The following HOOK3 variants were observed in gnomAD, a reference collection of about 807,000 sequenced individuals.
HOOK3 encodes hook microtubule tethering protein 3.
In HOOK3, 24 loss-of-function variants were observed where a neutral mutation model predicts 116.3. The ratio of observed to expected loss-of-function variants is 0.21; its 90% confidence interval spans 0.15 to 0.29. The LOEUF (loss-of-function observed/expected upper bound fraction) is 0.29. HOOK3 is among the 10% of genes least tolerant of loss of function. The probability of loss-of-function intolerance (pLI) is 1.00; values close to 1 mark genes in which losing one functional copy is unlikely to be tolerated. For missense variants in HOOK3, 632 were observed against 830.2 expected (o/e 0.76, Z 2.93); for synonymous variants, 275 against 283.0 (o/e 0.97, Z 0.28).
chr8:42,977,905 A>G (rs1208540370), intron 13 of HOOK3, among the ~76,000 whole-genome samples: 2 of 152,038 alleles, frequency 1.3e-5, no homozygotes, highest in Non-Finnish European at 2.9e-5. Context: ...AAAACACTTA[A>G]CCATTAAAGA....
chr8:42,997,756 G>A (rs1809307061), intron 16 of HOOK3, 119 bp downstream of exon 16: 1 of 689,772 alleles, frequency 1.4e-6, no homozygotes, highest in East Asian at 2.9e-5. Context: ...TTATAGAAAA[G>A]AAATAGTGTT....
chr8:42,962,759 C>T (rs1357416926), intron 8 of HOOK3, among the ~76,000 whole-genome samples: 2 of 149,900 alleles, frequency 1.3e-5, no homozygotes, highest in African/African-American at 4.9e-5. Context: ...AGGAGTTCTG[C>T]CAAATATATT....
chr8:42,985,586 C>A (rs912150767), intron 14 of HOOK3, among the ~76,000 whole-genome samples: 1 of 151,948 alleles, frequency 6.6e-6, no homozygotes, highest in Non-Finnish European at 1.5e-5. Flanking sequence ...GTCTTCTTTT[C>A]CGTACAATGT....
chr8:42,955,930 C>G (rs1283572907), intron 6 of HOOK3, among the ~76,000 whole-genome samples: 1 of 152,046 alleles, frequency 6.6e-6, no homozygotes, highest in Non-Finnish European at 1.5e-5. Context: ...GTGGCTATTC[C>G]CAGGTGTGAT....
At chr8:43,007,478 A>AT (rs1563313128) in intron 17 of HOOK3, among the ~76,000 whole-genome samples, 1 of 152,166 alleles carries the variant, frequency 6.6e-6, no homozygotes, top group Admixed American at 6.5e-5. Context: ...TCATTAGTTC[A>AT]TTTTTTTATT....
At chr8:42,919,264 G>C (rs1807599732) in intron 2 of HOOK3, among the ~76,000 whole-genome samples, 1 of 145,570 alleles carries the variant, frequency 6.9e-6, no homozygotes, top group Non-Finnish European at 1.5e-5. Context: ...TCACTTCTCA[G>C]ACGGGGCGGC....
chr8:43,010,999 C>T (rs763324483), intron 19 of HOOK3, among the ~76,000 whole-genome samples: 2,302 of 145,732 alleles, frequency 0.016, 28 homozygotes, highest in Non-Finnish European at 0.021. Context: ...GGTCCATTTT[C>T]TTTTTTTTTT....
intron 6 of HOOK3, among the ~76,000 whole-genome samples, chr8:42,952,786 T>C (rs1467924015): frequency 6.6e-6 from 1 of 152,174 alleles, no homozygotes; most frequent in Non-Finnish European, 1.5e-5. Context: ...TTTTATATCA[T>C]ATAAGATTAG....
At chr8:43,014,173 C>G (rs1310865902) in intron 21 of HOOK3, among the ~76,000 whole-genome samples, 1 of 150,654 alleles carries the variant, frequency 6.6e-6, no homozygotes, top group African/African-American at 2.4e-5. Flanking sequence ...GTAATCCCAG[C>G]TACTTGGGAG....
chr8:42,904,007 A>T (rs1273063694), intron 1 of HOOK3, among the ~76,000 whole-genome samples: 6 of 152,178 alleles, frequency 3.9e-5, no homozygotes, highest in African/African-American at 7.2e-5. Flanking sequence ...GCGGAGAAGT[A>T]GCCACTCACC....
At chr8:43,009,266 G>T (rs1377817909) in intron 18 of HOOK3, among the ~76,000 whole-genome samples, 6 of 151,594 alleles carry the variant, frequency 4.0e-5, no homozygotes, top group Non-Finnish European at 7.4e-5. Flanking sequence ...ATTAGCCGGG[G>T]GTGGTGGCAA....
intron 13 of HOOK3, 93 bp from the exon 14 acceptor site, chr8:42,982,532 TGC>T: frequency 1.3e-6 from 1 of 795,086 alleles, no homozygotes. Context: ...AAATGATTTT[TGC>T]TGTTAAAATT....
In HOOK3 at chr8:42,906,155, C is replaced by G. The variant is rs764464349; in HGVS notation, c.58-18C>G. On this transcript the variant is annotated intron_variant, in intron 1 of 21. Coordinates refer to ENST00000307602, the MANE Select transcript of HOOK3 (RefSeq NM_032410.4). ...TAACCACAGAATCTCTCCCCCCCCCCTCTTTTTTTCCCTTCAGATCCAGAC... is the reference window on the plus strand; with the variant it reads ...TAACCACAGAATCTCTCCCCCCCCCGTCTTTTTTTCCCTTCAGATCCAGAC... The G allele has an allele frequency of 3.4e-5, 32 of 941,884 alleles. No individual in the cohort carries two copies. Among genetic ancestry groups the G allele is most frequent in the Admixed American group, 1.3e-4 (7 of 52,888 alleles). The allele number at this position is 941,884 out of a possible 1,614,324, so 58.3% of individuals were successfully genotyped here. A position where few individuals can be genotyped will look rare whatever the true frequency, so the allele number is the denominator to read the frequency against.
chr8:42,995,103 AT>A (rs1337661956), intron 15 of HOOK3, among the ~76,000 whole-genome samples: 1 of 152,296 alleles, frequency 6.6e-6, no homozygotes, highest in Non-Finnish European at 1.5e-5. Flanking sequence ...AACCACTCAG[AT>A]TTTTTTACCT....
At position 43,013,361 on chromosome 8, in the gene HOOK3, G is replaced by C; in HGVS notation, c.1977G>C (p.Glu659Asp). ...ATGAGAAAACAAAGAGTCAGAGAGA[G>C]ATGGAAGAGAAATATATTGTTAGTG... ...KEYEKTKSQREMEEKYIVSAW... is the reference protein window; with the variant it reads ...KEYEKTKSQRDMEEKYIVSAW... The change falls in exon 21 of 22, where the codon GAG becomes GAC. Residue 659 changes from glutamate to aspartate, a missense_variant. Physicochemically the swap from Glu to Asp is conservative, Grantham distance 45. Coordinates refer to ENST00000307602, the MANE Select transcript of HOOK3 (RefSeq NM_032410.4). 5 of 1,582,952 alleles carry C rather than the reference G, an allele frequency of 3.2e-6. No individual in the cohort carries two copies. Among genetic ancestry groups the C allele is most frequent in the Non-Finnish European group, 4.3e-6 (5 of 1,168,510 alleles).
intron 4 of HOOK3, among the ~76,000 whole-genome samples, chr8:42,933,581 T>TATTTTGTTTGCTGA (rs1159173698): frequency 6.6e-6 from 1 of 152,248 alleles, no homozygotes; most frequent in African/African-American, 2.4e-5. Flanking sequence ...TCTCCTATCT[T>TATTTTGTTTGCTGA]ATTTTGTTTG....
At chr8:42,946,493 C>G (rs1191894500) in intron 5 of HOOK3, among the ~76,000 whole-genome samples, 1 of 151,932 alleles carries the variant, frequency 6.6e-6, no homozygotes, top group Non-Finnish European at 1.5e-5. Context: ...CAGTATGTTA[C>G]TATTACTTAT....
At chr8:43,004,664 G>A (rs1809441677) in intron 17 of HOOK3, among the ~76,000 whole-genome samples, 1 of 130,848 alleles carries the variant, frequency 7.6e-6, no homozygotes, top group Non-Finnish European at 1.6e-5. Flanking sequence ...CTGGGAGGCA[G>A]AGCAAGACTC....
intron 8 of HOOK3, among the ~76,000 whole-genome samples, chr8:42,962,339 C>T (rs145653891): frequency 1.6e-3 from 230 of 147,844 alleles, no homozygotes; most frequent in African/African-American, 5.6e-3. Context: ...TGGCCCCAAG[C>T]AGTCCTACCA....
Sources: allele counts gnomAD v4.1 joint callset (sites outside exome capture counted in the v4.1 genomes callset), GRCh38; gene constraint gnomAD v4.1.1; transcripts MANE v1.5; gene names NCBI Gene and HGNC (gene_info 2026-07-23, HGNC 2026-07-21).